Variants in UBE2E2 observed in about 807,000 individuals in gnomAD.
The protein encoded by UBE2E2 is ubiquitin-conjugating enzyme E2 E2.
Under a neutral mutation model 24.7 loss-of-function variants are expected in UBE2E2, and 6 were observed. The observed-to-expected ratio is 0.24, with a 90% confidence interval of 0.13 to 0.48. The LOEUF (loss-of-function observed/expected upper bound fraction) is 0.48. UBE2E2 is among the 20% of genes least tolerant of loss of function. The pLI, the probability that UBE2E2 is intolerant of heterozygous loss-of-function variation, is 0.99. For missense variants in UBE2E2, 169 were observed against 245.0 expected (o/e 0.69, Z 2.07); for synonymous variants, 104 against 83.6 (o/e 1.24, Z -1.33).
chr3:23,206,940 A>G (rs1696162961), intron 1 of UBE2E2, among the ~76,000 whole-genome samples: 1 of 152,234 alleles, frequency 6.6e-6, no homozygotes, highest in African/African-American at 2.4e-5. Flanking sequence ...AGAGTAATCA[A>G]AAGGATCCAT....
Position 23,341,771 on chromosome 3 carries a change from G to A in UBE2E2, c.227+124459G>A, listed in dbSNP as rs146664692. On this transcript the variant is annotated intron_variant, in intron 3 of 5. Transcript: ENST00000396703. ...AGTGTAGTAATTGATCAAACTATTT[G>A]CTTGCAAAAGTATCTGGCCAATTTT... Among the ~76,000 whole-genome samples the A allele has an allele frequency of 6.5e-3, 979 of 150,654 alleles. 6 individuals are homozygous for A. The highest frequency in any genetic ancestry group is 0.011 in the Non-Finnish European group (765 of 67,720).
chr3:23,346,904 A>G (rs1378439376), intron 3 of UBE2E2, among the ~76,000 whole-genome samples: 1 of 152,214 alleles, frequency 6.6e-6, no homozygotes, highest in East Asian at 1.9e-4. Context: ...TGAGTAATGT[A>G]TTACTATTAG....
chr3:23,382,694 C>T (rs1696706567), intron 3 of UBE2E2, among the ~76,000 whole-genome samples: 1 of 152,144 alleles, frequency 6.6e-6, no homozygotes, highest in South Asian at 2.1e-4. Flanking sequence ...TGCTTGTGGA[C>T]TCCATTTTGT....
At chr3:23,244,222 C>G (rs1445339532) in intron 3 of UBE2E2, among the ~76,000 whole-genome samples, 1 of 151,572 alleles carries the variant, frequency 6.6e-6, no homozygotes, top group East Asian at 1.9e-4. Context: ...AACTTTTAAG[C>G]TGCATATGCC....
chr3:23,268,906 A>G (rs956575927), intron 3 of UBE2E2, among the ~76,000 whole-genome samples: 31 of 152,198 alleles, frequency 2.0e-4, no homozygotes, highest in Non-Finnish European at 4.3e-4. Flanking sequence ...CCACATATCT[A>G]CAACCATCTG....
intron 5 of UBE2E2, among the ~76,000 whole-genome samples, chr3:23,568,307 G>C (rs369147752): frequency 6.6e-6 from 1 of 152,120 alleles, no homozygotes; most frequent in Non-Finnish European, 1.5e-5. Flanking sequence ...AAAGACTTTG[G>C]GGGGTGGAAT....
intron 3 of UBE2E2, among the ~76,000 whole-genome samples, chr3:23,369,499 T>C (rs1688421688): frequency 6.6e-6 from 1 of 152,208 alleles, no homozygotes; most frequent in Non-Finnish European, 1.5e-5. Context: ...TTATTTGACA[T>C]GCATATTACA....
rs545916691 is a variant in UBE2E2 at position 23,492,010 on chromosome 3, A to C, written c.228-7598A>C. Among the ~76,000 whole-genome samples, 26 of 152,320 alleles carry C rather than the reference A, an allele frequency of 1.7e-4. No individual in the cohort carries two copies. In the East Asian group the frequency reaches 4.2e-3, roughly 25 times the overall value. Reference sequence around the variant, plus strand: ...TTATGACCAGATTAGAGATGCTAACAGTTTGGTAGGTGATTGTCAAAGGTA... The same window carrying C: ...TTATGACCAGATTAGAGATGCTAACCGTTTGGTAGGTGATTGTCAAAGGTA... On this transcript the variant is annotated intron_variant, in intron 3 of 5. Coordinates refer to ENST00000396703, the MANE Select transcript of UBE2E2 (RefSeq NM_152653.4).
At chr3:23,409,759 C>G (rs1325949097) in intron 3 of UBE2E2, among the ~76,000 whole-genome samples, 1 of 152,128 alleles carries the variant, frequency 6.6e-6, no homozygotes, top group Non-Finnish European at 1.5e-5. Flanking sequence ...CAATGGGTCC[C>G]TCAGAAAGCT....
At position 23,360,195 on chromosome 3, in the gene UBE2E2, A is replaced by G. The variant is rs528766034; in HGVS notation, c.228-139413A>G. Among the ~76,000 whole-genome samples, 65 of 152,342 alleles carry G rather than the reference A, an allele frequency of 4.3e-4. No individual in the cohort carries two copies. The Middle Eastern group carries it at 0.01, about 24-fold the overall frequency. The stretch of plus-strand genomic sequence containing the variant: ...TTATAGCAGAGTGACACGATGTTCC[A>G]AAGTATTCCCATAGTCATCCAGAAA... On this transcript the variant is annotated intron_variant, in intron 3 of 5. Coordinates refer to ENST00000396703, the MANE Select transcript of UBE2E2 (RefSeq NM_152653.4).
At chr3:23,426,927 T>C (rs1030585934) in intron 3 of UBE2E2, among the ~76,000 whole-genome samples, 27 of 152,078 alleles carry the variant, frequency 1.8e-4, no homozygotes, top group African/African-American at 5.5e-4. Flanking sequence ...CACACACACA[T>C]ATATATATAC....
chr3:23,368,161 C>CT (rs1696310496), intron 3 of UBE2E2, among the ~76,000 whole-genome samples: 1 of 151,992 alleles, frequency 6.6e-6, no homozygotes, highest in Non-Finnish European at 1.5e-5. Flanking sequence ...TTCATTTACT[C>CT]TTAATTATTT....
chr3:23,561,937 G>A (rs1003191859), intron 5 of UBE2E2, among the ~76,000 whole-genome samples: 1 of 152,178 alleles, frequency 6.6e-6, no homozygotes. Context: ...AGACTTTGCT[G>A]AAGTTGCTTA....
chr3:23,240,626 G>A (rs1428674958), intron 3 of UBE2E2, among the ~76,000 whole-genome samples: 1 of 152,194 alleles, frequency 6.6e-6, no homozygotes, highest in Non-Finnish European at 1.5e-5. Context: ...AGCTGCAGAT[G>A]AAATCTGATA....
intron 3 of UBE2E2, among the ~76,000 whole-genome samples, chr3:23,387,220 G>T (rs1040252651): frequency 1.3e-5 from 2 of 152,182 alleles, no homozygotes; most frequent in Non-Finnish European, 2.9e-5. Flanking sequence ...ATAGATTTCT[G>T]TGGTTACAGG....
At chr3:23,335,326 T>G (rs930068428) in intron 3 of UBE2E2, among the ~76,000 whole-genome samples, 6 of 152,196 alleles carry the variant, frequency 3.9e-5, no homozygotes, top group Non-Finnish European at 8.8e-5. Flanking sequence ...TTGGCGTAGT[T>G]CATTTCTGCC....
At chr3:23,373,549 C>G (rs183182262) in intron 3 of UBE2E2, among the ~76,000 whole-genome samples, 3 of 152,054 alleles carry the variant, frequency 2.0e-5, no homozygotes, top group African/African-American at 7.2e-5. Context: ...TGAGGGAGAC[C>G]GAGATTTCAC....
chr3:23,370,428 G>A (rs976772417), intron 3 of UBE2E2, among the ~76,000 whole-genome samples: 3 of 152,152 alleles, frequency 2.0e-5, no homozygotes, highest in Non-Finnish European at 4.4e-5. Flanking sequence ...ATTAAACATT[G>A]TCTAGTTTAG....
intron 3 of UBE2E2, among the ~76,000 whole-genome samples, chr3:23,497,304 GA>G (rs767590141): frequency 1.3e-4 from 20 of 152,172 alleles, no homozygotes; most frequent in Admixed American, 3.3e-4. Context: ...CAAACACAAT[GA>G]AAAATATGCG....
Sources: gnomAD v4.1 joint callset for allele counts (sites outside exome capture counted in the v4.1 genomes callset) on GRCh38, gnomAD v4.1.1 for gene constraint, MANE v1.5 for transcripts, NCBI Gene and HGNC (gene_info 2026-07-23, HGNC 2026-07-21) for gene names.